Variants in KALRN observed in about 807,000 individuals in gnomAD.
The protein encoded by KALRN is kalirin RhoGEF kinase, also known as kalirin.
KALRN carries 70 observed loss-of-function variants against 353.7 expected under a neutral mutation model. The ratio of observed to expected loss-of-function variants is 0.20; its 90% CI spans 0.16 to 0.24. The LOEUF (loss-of-function observed/expected upper bound fraction) is 0.24, where lower values mean the gene tolerates loss of function less well. Ranked by LOEUF, KALRN falls within the 10% of genes least tolerant of loss-of-function variation. KALRN has a pLI of 1.00. For synonymous variants in KALRN, 1,391 were observed against 1,434.8 expected (o/e 0.97, Z 0.69); for missense variants, 2,791 against 3,756.7 (o/e 0.74, Z 6.72).
At chr3:124,288,345 T>G (rs1468563797) in intron 5 of KALRN, among the ~76,000 whole-genome samples, 1 of 152,148 alleles carries the variant, frequency 6.6e-6, no homozygotes, top group African/African-American at 2.4e-5. Flanking sequence ...TTTTGAAGGA[T>G]GGGAATAATC....
At chr3:124,519,331 G>A in intron 33 of KALRN, 1 of 985,292 alleles carries the variant, frequency 1.0e-6, no homozygotes, top group South Asian at 4.7e-5. Context: ...TAATAAAAAA[G>A]TTTTAAAAGT....
At position 124,456,675 on chromosome 3, in the gene KALRN, G is replaced by T; in HGVS notation, c.3801G>T (p.Arg1267=). 1 of 1,613,416 alleles carries T rather than the reference G, an allele frequency of 6.2e-7. No homozygotes were observed. The highest frequency in any genetic ancestry group is 8.5e-7 in the Non-Finnish European group (1 of 1,179,556). ...TTTCGGATCGGGAGGTCAAGCTGCG[G>T]GACGCCAACCACGAAGTCAATGAAG... ...ASLSDREVKL[R]DANHEVNEEK... The change falls in exon 23 of 60, where the codon CGG becomes CGT. Residue 1267 remains arginine (R), a synonymous_variant. Coordinates refer to ENST00000682506, the MANE Select transcript of KALRN (RefSeq NM_001388419.1).
At chr3:124,511,082 C>G (rs1014323321) in intron 33 of KALRN, among the ~76,000 whole-genome samples, 2 of 152,078 alleles carry the variant, frequency 1.3e-5, no homozygotes, top group Non-Finnish European at 2.9e-5. Flanking sequence ...ATGCCCTTCC[C>G]CTCATCCCCA....
At chr3:124,645,626 T>TTCTCTCTCTCTC (rs71145472) in intron 37 of KALRN, among the ~76,000 whole-genome samples, 1 of 133,554 alleles carries the variant, frequency 7.5e-6, no homozygotes, top group South Asian at 2.5e-4. Flanking sequence ...TGAATAATAT[T>TTCTCTCTCTCTC]TCTCTCTCTC....
chr3:124,612,008 C>A (rs1319975537), intron 34 of KALRN, among the ~76,000 whole-genome samples: 2 of 152,084 alleles, frequency 1.3e-5, no homozygotes, highest in Non-Finnish European at 2.9e-5. Context: ...CCTCTCTAGC[C>A]CATTAGTCAG....
intron 17 of KALRN, among the ~76,000 whole-genome samples, chr3:124,438,118 C>T (rs1323858535): frequency 1.3e-5 from 2 of 152,174 alleles, no homozygotes; most frequent in African/African-American, 2.4e-5. Flanking sequence ...TCTGCATCCT[C>T]CTCCAGGCCC....
chr3:124,119,763 G>A lies in KALRN; in HGVS notation c.73+85950G>A, dbSNP rs76063531. Among the ~76,000 whole-genome samples the A allele has an allele frequency of 5.2e-4, 79 of 152,344 alleles. No individual in the cohort carries two copies. The East Asian group carries it at 9.6e-3, about 19-fold the overall frequency. ...GGTCCTGGGGCACTTTCTAATTTGAGGAGTAGGGAGGATGGCTTCAGGGTA... is the reference window on the plus strand; with the variant it reads ...GGTCCTGGGGCACTTTCTAATTTGAAGAGTAGGGAGGATGGCTTCAGGGTA... On this transcript the variant is annotated intron_variant, in intron 1 of 59. Coordinates refer to ENST00000682506, the MANE Select transcript of KALRN (RefSeq NM_001388419.1).
At chr3:124,287,133 CAAAT>C (rs1297911686) in intron 5 of KALRN, among the ~76,000 whole-genome samples, 1 of 152,114 alleles carries the variant, frequency 6.6e-6, no homozygotes, top group Non-Finnish European at 1.5e-5. Flanking sequence ...TCTGGGGTCA[CAAAT>C]GAATGCCCAG....
At chr3:124,071,665 C>G (rs1362228026) in intron 1 of KALRN, among the ~76,000 whole-genome samples, 1 of 152,198 alleles carries the variant, frequency 6.6e-6, no homozygotes, top group South Asian at 2.1e-4. Context: ...ACTGTGTCCT[C>G]TTTTGTGAGG....
intron 1 of KALRN, among the ~76,000 whole-genome samples, chr3:124,056,437 G>C (rs1409533594): frequency 6.6e-6 from 1 of 152,178 alleles, no homozygotes; most frequent in Non-Finnish European, 1.5e-5. Flanking sequence ...ATTATGCACT[G>C]GTTTCCTTTC....
chr3:124,248,836 C>T (rs923856120), intron 3 of KALRN, among the ~76,000 whole-genome samples: 2 of 152,232 alleles, frequency 1.3e-5, no homozygotes, highest in African/African-American at 4.8e-5. Context: ...CTGTTTCCAT[C>T]GCTAGTAATG....
intron 33 of KALRN, among the ~76,000 whole-genome samples, chr3:124,537,600 G>A (rs967999107): frequency 7.2e-5 from 11 of 152,200 alleles, no homozygotes; most frequent in Non-Finnish European, 1.3e-4. Flanking sequence ...GATGACAGAA[G>A]TGTGGTTTGG....
rs183763706 is a variant in KALRN at position 124,530,032 on chromosome 3, C to A, written c.4936-32811C>A. 6.2e-4 allele frequency among the ~76,000 whole-genome samples: 94 copies of A among 152,264 alleles called. 1 individual carries two copies. The highest frequency in any genetic ancestry group is 1.5e-3 in the African/African-American group (61 of 41,554). On this transcript the variant is annotated intron_variant, in intron 33 of 59. Transcript: ENST00000682506. The stretch of plus-strand genomic sequence containing the variant: ...CCCACCCCCATCTCATTCAACATTC[C>A]TGAAGCTCCAGGAAATGAAAATGTG...
At chr3:124,217,488 G>A (rs571536916) in intron 1 of KALRN, among the ~76,000 whole-genome samples, 26 of 152,176 alleles carry the variant, frequency 1.7e-4, no homozygotes, top group South Asian at 4.1e-4. Context: ...GTATGGGTAC[G>A]TACACAGACC....
intron 5 of KALRN, among the ~76,000 whole-genome samples, chr3:124,276,211 G>A (rs1022292790): frequency 2.0e-5 from 3 of 151,864 alleles, no homozygotes; most frequent in Admixed American, 6.6e-5. Context: ...ATCACCATGA[G>A]AAAATCTACA....
intron 33 of KALRN, among the ~76,000 whole-genome samples, chr3:124,542,116 C>T (rs1167582375): frequency 6.6e-6 from 1 of 152,226 alleles, no homozygotes; most frequent in African/African-American, 2.4e-5. Context: ...GCCTTGTCAG[C>T]AGCTATAAGC....
intron 33 of KALRN, among the ~76,000 whole-genome samples, chr3:124,506,415 G>A (rs908801228): frequency 6.6e-6 from 1 of 152,170 alleles, no homozygotes; most frequent in Admixed American, 6.5e-5. Context: ...TCTCCCATTT[G>A]TAGGAACTTA....
intron 10 of KALRN, among the ~76,000 whole-genome samples, chr3:124,358,766 A>G (rs2083695155): frequency 6.6e-6 from 1 of 152,214 alleles, no homozygotes; most frequent in Admixed American, 6.5e-5. Flanking sequence ...ATTCTCATTT[A>G]TAGATAGGGA....
intron 1 of KALRN, among the ~76,000 whole-genome samples, chr3:124,161,083 G>A (rs1441821649): frequency 6.6e-6 from 1 of 152,150 alleles, no homozygotes; most frequent in African/African-American, 2.4e-5. Flanking sequence ...TGAATGGACT[G>A]AATGCCACTG....
Sources: allele counts gnomAD v4.1 joint callset (sites outside exome capture counted in the v4.1 genomes callset), GRCh38; gene constraint gnomAD v4.1.1; transcripts MANE v1.5; gene names NCBI Gene and HGNC (gene_info 2026-07-23, HGNC 2026-07-21).